ZFR2: variants seen among roughly 807,000 people sequenced by gnomAD.
ZFR2 encodes zinc finger RNA-binding protein 2.
In ZFR2, 104 loss-of-function variants were observed where a neutral mutation model predicts 105.7. That is an observed-to-expected ratio of 0.98 (90% CI 0.84 to 1.16). The LOEUF (loss-of-function observed/expected upper bound fraction) is 1.16, where lower values mean the gene tolerates loss of function less well. ZFR2 is among the 50% of genes most tolerant of loss of function. ZFR2 has a pLI of 0.00. For synonymous variants in ZFR2, 634 were observed against 597.7 expected, an observed-to-expected ratio of 1.06 and a Z score of -0.89; for missense variants, 1,425 against 1,355.5, an observed-to-expected ratio of 1.05 and a Z score of -0.80.
chr19:3,811,867 C>T (rs1020758302), intron 14 of ZFR2, among the ~76,000 whole-genome samples: 2 of 151,700 alleles, frequency 1.3e-5, no homozygotes, highest in Non-Finnish European at 1.5e-5. Context: ...CTCACGTGAT[C>T]CTCCTGCCTC....
At chr19:3,842,442 T>A (rs1397779779) in intron 1 of ZFR2, among the ~76,000 whole-genome samples, 1 of 152,180 alleles carries the variant, frequency 6.6e-6, no homozygotes, top group East Asian at 1.9e-4. Context: ...ATAATTTTGA[T>A]CTAAAAACTT....
At chr19:3,809,278 T>G (rs1266919329) in intron 16 of ZFR2, among the ~76,000 whole-genome samples, 1 of 152,182 alleles carries the variant, frequency 6.6e-6, no homozygotes, top group Non-Finnish European at 1.5e-5. Context: ...GTTCAAGCGA[T>G]TCTCCTGCCT....
chr19:3,868,929 C>CGGGACTGGCG (rs1422369861), intron 1 of ZFR2, 36 bp downstream of exon 1: 297 of 1,278,734 alleles, frequency 2.3e-4, no homozygotes, highest in Non-Finnish European at 2.8e-4. Flanking sequence ...CTGCAGGGGC[C>CGGGACTGGCG]GGGACTGGCG....
rs2038055680 is a variant in ZFR2 at position 3,834,453 on chromosome 19, C to T, written c.264+320G>A. On this transcript the variant is annotated intron_variant, in intron 2 of 18. Transcript: ENST00000262961. This position sits in a 1 kb window ranked among gnomAD's most constrained non-coding sequence, Gnocchi z 5.3. Reference sequence around the variant, plus strand: ...CCATCTGCCCTGACCAGGGAGGGGTCCTGTAACCCAGGCGACCCTCCTCCT... The same window carrying T: ...CCATCTGCCCTGACCAGGGAGGGGTTCTGTAACCCAGGCGACCCTCCTCCT... Among the ~76,000 whole-genome samples, 2 of 152,070 alleles carry T rather than the reference C, an allele frequency of 1.3e-5. No individual in the cohort carries two copies. The highest frequency in any genetic ancestry group is 4.1e-4 in the South Asian group (2 of 4,828).
In ZFR2 at chr19:3,815,387, G is replaced by A. The variant is rs529799767; in HGVS notation, c.2103+1287C>T. 3.3e-5 allele frequency among the ~76,000 whole-genome samples: 5 copies of A among 152,312 alleles called. No individual in the cohort carries two copies. In the South Asian group the frequency reaches 1.0e-3, roughly 32 times the overall value. Reference sequence around the variant, plus strand: ...TTACAGGCATGAGCCACCACGCCAGGCCCGATTTTTCTTTTTAAACCTAAG... The same window carrying A: ...TTACAGGCATGAGCCACCACGCCAGACCCGATTTTTCTTTTTAAACCTAAG... On this transcript the variant is annotated intron_variant, in intron 13 of 18. Coordinates refer to ENST00000262961, the MANE Select transcript of ZFR2 (RefSeq NM_015174.2).
Position 3,810,886 on chromosome 19 carries a change from G to A in ZFR2, c.2338-41C>T, listed in dbSNP as rs534329674. 51 of 1,543,100 alleles carry A rather than the reference G, an allele frequency of 3.3e-5. No homozygotes were observed. In the South Asian group the frequency reaches 3.8e-4, roughly 12 times the overall value. ...ACACGGTTAGCTTTCAGGGGCTCACGTGGCCACACGGCATGGCGCCGGGCT... is the reference window on the plus strand; with the variant it reads ...ACACGGTTAGCTTTCAGGGGCTCACATGGCCACACGGCATGGCGCCGGGCT... On this transcript the variant is annotated intron_variant, in intron 15 of 18. Coordinates refer to ENST00000262961, the MANE Select transcript of ZFR2 (RefSeq NM_015174.2).
At position 3,814,754 on chromosome 19, in the gene ZFR2, G is replaced by A. The variant is rs377051876; in HGVS notation, c.2104-796C>T. 1.8e-4 allele frequency among the ~76,000 whole-genome samples: 27 copies of A among 152,320 alleles called. No individual in the cohort carries two copies. The East Asian group carries it at 4.8e-3, about 27-fold the overall frequency. ...GGAAATGTGAGATGCAATTATTGAA[G>A]TCAGAGCATGTCACTCCCCTGCTCA... On this transcript the variant is annotated intron_variant, in intron 13 of 18. Transcript: ENST00000262961.
In ZFR2 at chr19:3,821,492, G is replaced by A; in HGVS notation, c.1492-13C>T. The A allele has an allele frequency of 6.3e-7, 1 of 1,588,744 alleles. No homozygotes were observed. The highest frequency in any genetic ancestry group is 8.6e-7 in the Non-Finnish European group (1 of 1,163,388). Reference sequence around the variant, plus strand: ...GGTTCACTTTCTTCTGGAAAGGACAGGCAAGGCTCTGAGAGTAGGGACCTT... The same window carrying A: ...GGTTCACTTTCTTCTGGAAAGGACAAGCAAGGCTCTGAGAGTAGGGACCTT... On this transcript the variant is annotated splice_polypyrimidine_tract_variant and intron_variant, in intron 9 of 18. Coordinates refer to ENST00000262961, the MANE Select transcript of ZFR2 (RefSeq NM_015174.2).
At position 3,831,499 on chromosome 19, in the gene ZFR2, G is replaced by A. The variant is rs2038015693; in HGVS notation, c.656C>T (p.Pro219Leu). ...CGGGGGAGGCGGGGGCTGCGCTGGA[G>A]GATAGAAAGGGCTGGCAGCGGAGTA... ...SVYSAASPFY[P>L]PAQPPPPPGP... is the part of the protein sequence containing the mutation. The change falls in exon 5 of 19, where the codon CCT (proline) becomes CTT (leucine). Residue 219 changes from proline to leucine, a missense_variant. By Grantham distance (98) the Pro-to-Leu change is moderately conservative (BLOSUM62 -3). Coordinates refer to ENST00000262961, the MANE Select transcript of ZFR2 (RefSeq NM_015174.2). 1 of 1,553,362 alleles carries A rather than the reference G, an allele frequency of 6.4e-7. No individual in the cohort carries two copies. Among genetic ancestry groups the A allele is most frequent in the Non-Finnish European group, 8.7e-7 (1 of 1,148,956 alleles).
chr19:3,821,569 G>T, intron 9 of ZFR2, 90 bp from the exon 10 acceptor site: 4 of 1,030,434 alleles, frequency 3.9e-6, no homozygotes, highest in Non-Finnish European at 5.3e-6. Flanking sequence ...GAGGCCCAGA[G>T]ACTAGAACTG....
intron 12 of ZFR2, among the ~76,000 whole-genome samples, chr19:3,818,734 T>C (rs2037852338): frequency 1.3e-5 from 2 of 152,226 alleles, no homozygotes; most frequent in African/African-American, 4.8e-5. Context: ...CTTTTGCCAA[T>C]GAGGAAACTG....
chr19:3,814,354 T>G (rs2037803258), intron 13 of ZFR2, among the ~76,000 whole-genome samples: 1 of 150,810 alleles, frequency 6.6e-6, no homozygotes, highest in Admixed American at 6.6e-5. Context: ...CAGGGAGGAG[T>G]AAACTAAAAC....
At chr19:3,810,343 G>T (rs1443882729) in intron 16 of ZFR2, among the ~76,000 whole-genome samples, 1 of 152,218 alleles carries the variant, frequency 6.6e-6, no homozygotes, top group Non-Finnish European at 1.5e-5. Flanking sequence ...GATGGGCTGG[G>T]GGGTGGTGTT....
rs1204903711 is a variant in ZFR2, at chr19:3,831,312, A to C, written c.843T>G (p.Ala281=). Residue 281 remains alanine, a synonymous_variant, in exon 5 of 19, where the codon GCT becomes GCG. Coordinates refer to ENST00000262961, the MANE Select transcript of ZFR2 (RefSeq NM_015174.2). ...HYCDICKISC[A]GPQTYREHLG... ...CAGGAGGGCGACTGACCTGGGGGCC[A>C]GCGCAGCTGATCTTGCAGATGTCGC... 6.5e-7 allele frequency: 1 copy of C among 1,536,760 alleles called. No individual in the cohort carries two copies. Among genetic ancestry groups the C allele is most frequent in the African/African-American group, 1.4e-5 (1 of 73,230 alleles).
chr19:3,822,033 C>T, intron 9 of ZFR2, 48 bp downstream of exon 9: 1 of 1,548,570 alleles, frequency 6.5e-7, no homozygotes, highest in Non-Finnish European at 8.7e-7. Context: ...GCCCGCCGGG[C>T]CCTAGCACAG....
At chr19:3,833,436 C>T (rs1243695300) in intron 3 of ZFR2, 13 of 394,866 alleles carry the variant, frequency 3.3e-5, no homozygotes, top group East Asian at 2.6e-4. Context: ...ATTAGCCGGG[C>T]GTGGTTGCAG....
At chr19:3,818,296 C>T (rs934118197) in intron 12 of ZFR2, among the ~76,000 whole-genome samples, 2 of 152,088 alleles carry the variant, frequency 1.3e-5, no homozygotes, top group African/African-American at 4.8e-5. Context: ...CGAGACCTCT[C>T]CCTGCTACAA....
intron 12 of ZFR2, among the ~76,000 whole-genome samples, chr19:3,817,643 G>C (rs2145142146): frequency 6.8e-6 from 1 of 147,712 alleles, no homozygotes; most frequent in South Asian, 2.1e-4. Flanking sequence ...TGTAGTTCCA[G>C]TACTTGGAAG....
rs181836429 is a variant in ZFR2 at position 3,834,630 on chromosome 19, G to A, written c.264+143C>T. 4.3e-5 allele frequency: 38 copies of A among 887,756 alleles called. No homozygotes were observed. The highest frequency in any genetic ancestry group is 1.6e-4 in the Admixed American group (7 of 44,808). The allele number at this position is 887,756 out of a possible 1,614,324, so 55.0% of individuals were successfully genotyped here. A position where few individuals can be genotyped will look rare whatever the true frequency, so the allele number is the denominator to read the frequency against. ...CCTGATTTCTCCCCACCACGGGTAC[G>A]CAATGCCAGCAGAAGGGTCCCGAAG... On this transcript the variant is annotated intron_variant, in intron 2 of 18. Transcript: ENST00000262961. This position sits in a 1 kb window ranked among gnomAD's most constrained non-coding sequence, Gnocchi z 5.3.
Sources: gnomAD v4.1 joint callset for allele counts (sites outside exome capture counted in the v4.1 genomes callset) on GRCh38, gnomAD v4.1.1 for gene constraint, Gnocchi (gnomAD v3.1) non-coding constraint, MANE v1.5 for transcripts, NCBI Gene and HGNC (gene_info 2026-07-23, HGNC 2026-07-21) for gene names.